The following ERCC2 variants were observed in gnomAD, a reference collection of about 807,000 sequenced individuals.
ERCC2 encodes the protein general transcription and DNA repair factor IIH helicase subunit XPD.
Under a neutral mutation model 99.4 loss-of-function variants are expected in ERCC2, and 90 were observed. That is an observed-to-expected ratio of 0.91 (90% CI 0.76 to 1.08). The LOEUF is 1.08. Ranked by LOEUF, ERCC2 falls within the 50% of genes least tolerant of loss-of-function variation. The pLI, the probability that ERCC2 is intolerant of heterozygous loss-of-function variation, is 0.00. For synonymous variants in ERCC2, 497 were observed against 432.4 expected, an observed-to-expected ratio of 1.15 and a Z score of -1.85; for missense variants, 993 against 1,038.1, an observed-to-expected ratio of 0.96 and a Z score of 0.60.
At chr19:45,359,520 C>A (rs1972135379) in intron 12 of ERCC2, among the ~76,000 whole-genome samples, 1 of 152,184 alleles carries the variant, frequency 6.6e-6, no homozygotes, top group Admixed American at 6.5e-5. Flanking sequence ...GGGGAGGGAA[C>A]ACCGGCCCAT....
In ERCC2 at chr19:45,351,505, T is replaced by G; in HGVS notation, c.*124A>C. 6.3e-7 allele frequency: 1 copy of G among 1,596,700 alleles called. No individual in the cohort carries two copies. The highest frequency in any genetic ancestry group is 8.5e-7 in the Non-Finnish European group (1 of 1,176,230). On this transcript the variant is annotated 3_prime_UTR_variant, in exon 23 of 23. Coordinates refer to ENST00000391945, the MANE Select transcript of ERCC2 (RefSeq NM_000400.4). ...TGCCTTCTCCTGCGATTAAAGGCTG[T>G]GGACGTGACAGTGAGAAATGTCACC... is the stretch of plus-strand genomic sequence containing the variant.
chr19:45,359,686 C>T (rs2123264362), intron 12 of ERCC2, among the ~76,000 whole-genome samples: 1 of 152,324 alleles, frequency 6.6e-6, no homozygotes, highest in African/African-American at 2.4e-5. Flanking sequence ...CTTTCTCTCT[C>T]CCCATGGCCA....
rs1972054424 is a variant in ERCC2, at chr19:45,357,546, GGA to G, written c.1308-5_1308-4del. On this transcript the variant is annotated splice_polypyrimidine_tract_variant and splice_region_variant and intron_variant, in intron 13 of 22. Transcript: ENST00000391945. ...TGGCCAGCGAGGCGTCCATGCAGCT[GGA>G]GAGAGATGAGGGCAGTGAGGGCCCG... 1 of 1,614,166 alleles carries G rather than the reference GGA, an allele frequency of 6.2e-7. No individual in the cohort carries two copies. The highest frequency in any genetic ancestry group is 8.5e-7 in the Non-Finnish European group (1 of 1,180,016).
rs367947759 is a variant in ERCC2, at chr19:45,350,378, C to A, written c.*1251G>T. On this transcript the variant is annotated 3_prime_UTR_variant, in exon 23 of 23. Transcript: ENST00000391945. Reference sequence around the variant, plus strand: ...CTGAAACAGAACAAGTATCAACAAGCGGAAGAGCTGTACAAAGAAATCCTC... The same window carrying A: ...CTGAAACAGAACAAGTATCAACAAGAGGAAGAGCTGTACAAAGAAATCCTC... 1 of 1,613,750 alleles carries A rather than the reference C, an allele frequency of 6.2e-7. No homozygotes were observed. Among genetic ancestry groups the A allele is most frequent in the Non-Finnish European group, 8.5e-7 (1 of 1,179,920 alleles).
Position 45,364,962 on chromosome 19 carries a change from A to G in ERCC2, c.478-8T>C. On this transcript the variant is annotated splice_polypyrimidine_tract_variant and splice_region_variant and intron_variant, in intron 6 of 22. Transcript: ENST00000391945. ...CCCATGGGCATCAAATTCCTGGGACAAGAGTGCCAGGGGTCAGGGAGGCTG... is the reference window on the plus strand; with the variant it reads ...CCCATGGGCATCAAATTCCTGGGACGAGAGTGCCAGGGGTCAGGGAGGCTG... 1 of 1,612,922 alleles carries G rather than the reference A, an allele frequency of 6.2e-7. No homozygotes were observed. The highest frequency in any genetic ancestry group is 2.2e-5 in the East Asian group (1 of 44,862).
At chr19:45,369,822 C>G (rs1049145497) in intron 2 of ERCC2, among the ~76,000 whole-genome samples, 1 of 152,076 alleles carries the variant, frequency 6.6e-6, no homozygotes, top group African/African-American at 2.4e-5. Flanking sequence ...ATTACAGGCG[C>G]CCGCCACCAC....
chr19:45,359,190 A>G (rs1188382945), intron 12 of ERCC2, among the ~76,000 whole-genome samples: 1 of 151,692 alleles, frequency 6.6e-6, no homozygotes. Flanking sequence ...CTAAGCTGAG[A>G]ACCTAAGGAT....
chr19:45,364,150 G>A, intron 9 of ERCC2, 31 bp from the exon 10 acceptor site: 3 of 1,611,874 alleles, frequency 1.9e-6, no homozygotes, highest in Non-Finnish European at 2.5e-6. Context: ...GCTGGGAGGG[G>A]GCTGGCAACC....
chr19:45,365,074 C>T lies in ERCC2; in HGVS notation c.445G>A (p.Asp149Asn), dbSNP rs771687310. ...ASYVRAQYQH[D>N]TSLPHCRFYE... ...AATCGGCAGTGGGGCAGGCTGGTGT[C>T]ATGCTGGTACTGCGCCCGCACATAG... The change falls in exon 6 of 23, where the codon GAC (aspartate) becomes AAC (asparagine). Residue 149 changes from aspartate (D) to asparagine (N), a missense_variant. Around this residue, in one of 3 missense-constraint regions of ERCC2, gnomAD observed 909 missense variants for 930.8 expected, o/e 0.98. Coordinates refer to ENST00000391945, the MANE Select transcript of ERCC2 (RefSeq NM_000400.4). 27 of 1,614,172 alleles carry T rather than the reference C, an allele frequency of 1.7e-5. No homozygotes were observed. In the South Asian group the frequency reaches 3.0e-4, roughly 18 times the overall value.
Position 45,350,430 on chromosome 19 carries a change from C to G in ERCC2, c.*1199G>C, listed in dbSNP as rs201301675. ...ACAAGGAGGACCTACCCGCCCCTCT[C>G]GGTGAGCCCCTAGCCCCTGTCTGTC... On this transcript the variant is annotated 3_prime_UTR_variant, in exon 23 of 23. Coordinates refer to ENST00000391945, the MANE Select transcript of ERCC2 (RefSeq NM_000400.4). 6 of 1,613,726 alleles carry G rather than the reference C, an allele frequency of 3.7e-6. No individual in the cohort carries two copies. Among genetic ancestry groups the G allele is most frequent in the African/African-American group, 2.7e-5 (2 of 74,864 alleles).
At chr19:45,352,034 C>T (rs967426912) in intron 22 of ERCC2, among the ~76,000 whole-genome samples, 175 bp downstream of exon 22, 1 of 152,074 alleles carries the variant, frequency 6.6e-6, no homozygotes, top group Admixed American at 6.5e-5. Flanking sequence ...CATCTGTGGC[C>T]CCTCGAATCT....
intron 17 of ERCC2, among the ~76,000 whole-genome samples, 154 bp from the exon 18 acceptor site, chr19:45,353,488 T>G (rs972967407): frequency 6.6e-6 from 1 of 151,816 alleles, no homozygotes; most frequent in Non-Finnish European, 1.5e-5. Context: ...CCAACCTCAG[T>G]TCTTTGGGGA....
At chr19:45,360,052 G>T (rs1412892891) in intron 12 of ERCC2, among the ~76,000 whole-genome samples, 1 of 150,708 alleles carries the variant, frequency 6.6e-6, no homozygotes, top group Non-Finnish European at 1.5e-5. Flanking sequence ...TGGGATTACA[G>T]ACATGAGCCA....
chr19:45,368,960 G>A lies in ERCC2; in HGVS notation c.216C>T (p.Tyr72=), dbSNP rs200559616. The A allele has an allele frequency of 3.2e-5, 51 of 1,614,224 alleles. No individual in the cohort carries two copies. In the East Asian group the frequency reaches 8.5e-4, roughly 27 times the overall value. The part of the protein sequence containing the change: ...AYPLEVTKLI[Y]CSRTVPEIEK... ...CAATCTCTGGCACAGTTCTTGAGCA[G>A]TAGATGAGTTTGGTCACCTCCAGCG... Residue 72 remains tyrosine, a synonymous_variant, in exon 4 of 23, where the codon TAC becomes TAT. Coordinates refer to ENST00000391945, the MANE Select transcript of ERCC2 (RefSeq NM_000400.4).
At chr19:45,355,256 C>T (rs1190650594) in intron 16 of ERCC2, among the ~76,000 whole-genome samples, 1 of 152,230 alleles carries the variant, frequency 6.6e-6, no homozygotes, top group Non-Finnish European at 1.5e-5. Flanking sequence ...ACTCGGGAGG[C>T]TGAGGCATGA....
chr19:45,365,702 A>G (rs1408969680), intron 5 of ERCC2, among the ~76,000 whole-genome samples: 1 of 151,674 alleles, frequency 6.6e-6, no homozygotes, highest in African/African-American at 2.4e-5. Flanking sequence ...GAGGCAGGAG[A>G]ATCCCTTGAA....
rs3916881 is a variant in ERCC2 at position 45,352,197 on chromosome 19, C to T, written c.2190+12G>A. The T allele has an allele frequency of 2.4e-3, 3,854 of 1,613,114 alleles. 105 individuals carry two copies. The East Asian group carries it at 0.055, about 23-fold the overall frequency. Reference sequence around the variant, plus strand: ...GCCTGGGAGGGTGCCGGGAGGGGGACGCAGGCCTCACCCGGTGGAAGGGCT... The same window carrying T: ...GCCTGGGAGGGTGCCGGGAGGGGGATGCAGGCCTCACCCGGTGGAAGGGCT... On this transcript the variant is annotated intron_variant, in intron 22 of 22. Transcript: ENST00000391945.
chr19:45,364,177 CAG>C, intron 9 of ERCC2, 56 bp downstream of exon 9: 2 of 1,611,590 alleles, frequency 1.2e-6, no homozygotes, highest in Non-Finnish European at 8.5e-7. Flanking sequence ...ACAAGTCAGA[CAG>C]GGGCCAGGGT....
intron 12 of ERCC2, among the ~76,000 whole-genome samples, chr19:45,360,306 TCTC>T (rs3916829): frequency 0.024 from 3,604 of 151,292 alleles, 137 homozygotes; most frequent in African/African-American, 0.082. Flanking sequence ...ATGGTCTTGA[TCTC>T]CTGACCTCGA....
Sources: allele counts gnomAD v4.1 joint callset (sites outside exome capture counted in the v4.1 genomes callset), GRCh38; gene constraint gnomAD v4.1.1; regional missense constraint gnomAD v4.1.1; transcripts MANE v1.5; gene names NCBI Gene and HGNC (gene_info 2026-07-23, HGNC 2026-07-21).